The following RYR1 variants were observed in gnomAD, a reference collection of about 807,000 sequenced individuals.
RYR1 encodes the protein central core disease of muscle.
A neutral mutation model predicts 583.5 loss-of-function variants in RYR1; 342 were observed. The ratio of observed to expected loss-of-function variants is 0.59; its 90% CI spans 0.54 to 0.64. The LOEUF is 0.64. Among genes scored for constraint, RYR1 ranks in the 30% least tolerant of loss-of-function variants. RYR1 has a pLI of 0.00. For missense variants in RYR1, 6,032 were observed against 6,917.2 expected, an observed-to-expected ratio of 0.87 and a Z score of 4.54; for synonymous variants, 2,791 against 2,822.5, an observed-to-expected ratio of 0.99 and a Z score of 0.35.
intron 34 of RYR1, among the ~76,000 whole-genome samples, chr19:38,487,104 A>G (rs1969334162): frequency 6.6e-6 from 1 of 151,878 alleles, no homozygotes; most frequent in Non-Finnish European, 1.5e-5. Flanking sequence ...CCTCCCACCT[A>G]TGCGTCCATC....
chr19:38,520,072 T>TTTA (rs1445228934), intron 67 of RYR1, among the ~76,000 whole-genome samples: 1 of 117,446 alleles, frequency 8.5e-6, no homozygotes, highest in Non-Finnish European at 1.6e-5. Context: ...AATAGTTTGC[T>TTTA]TTTTTTTTTT....
At position 38,443,955 on chromosome 19, in the gene RYR1, C is replaced by T. The variant is rs139773017; in HGVS notation, c.424+159C>T. The stretch of plus-strand genomic sequence containing the variant: ...CTGCGGTACAGTCCAGACAGGGAGA[C>T]AGACACACGTTGGGGACCACTAGGC... On this transcript the variant is annotated intron_variant, in intron 5 of 105. Transcript: ENST00000359596. Among the ~76,000 whole-genome samples, 5 of 152,182 alleles carry T rather than the reference C, an allele frequency of 3.3e-5. No individual in the cohort carries two copies. The South Asian group carries it at 1.0e-3, about 32-fold the overall frequency.
At chr19:38,582,375 C>A (rs1370184967) in intron 101 of RYR1, among the ~76,000 whole-genome samples, 3 of 146,910 alleles carry the variant, frequency 2.0e-5, no homozygotes, top group Admixed American at 1.4e-4. Flanking sequence ...CCAGCCTAGG[C>A]AACGAGAGTG....
Position 38,565,734 on chromosome 19 carries a change from C to A in RYR1, c.13400C>A (p.Thr4467Lys). 1 of 1,428,054 alleles carries A rather than the reference C, an allele frequency of 7.0e-7. No homozygotes were observed. Among genetic ancestry groups the A allele is most frequent in the Non-Finnish European group, 9.1e-7 (1 of 1,099,154 alleles). The allele number at this position is 1,428,054 out of a possible 1,614,324, so 88.5% of individuals were successfully genotyped here. A position where few individuals can be genotyped will look rare whatever the true frequency, so the allele number is the denominator to read the frequency against. ...MGDTTPAEPP[T>K]PEGSPILKRK... ...GACACGACGCCTGCGGAACCGCCCA[C>A]ACCCGAGGGCTCTCCCATCCTCAAG... Residue 4467 changes from threonine to lysine, a missense_variant, in exon 91 of 106, where the codon ACA becomes AAA. Physicochemically the swap from Thr to Lys is moderately conservative, Grantham distance 78. Around this residue, in one of 11 missense-constraint regions of RYR1, gnomAD observed 753 missense variants for 759.6 expected, o/e 0.99. Coordinates refer to ENST00000359596, the MANE Select transcript of RYR1 (RefSeq NM_000540.3). The surrounding 1 kb of genome is among the most constrained non-coding windows in gnomAD (Gnocchi z 4.7).
chr19:38,444,233 TTGTCAG>T lies in RYR1; in HGVS notation c.514_519del (p.Val173_Ser174del), dbSNP rs794727779. ...GTCCGCGTTGGGGATGACATCATCC[TTGTCAG>T]TGTCTCCTCCGAGCGCTACCTGGTG... On this transcript the variant is annotated inframe_deletion, in exon 6 of 106. Transcript: ENST00000359596. This position sits in a 1 kb window ranked among gnomAD's most constrained non-coding sequence, Gnocchi z 5.1. The T allele has an allele frequency of 6.2e-7, 1 of 1,614,010 alleles. No homozygotes were observed. Among genetic ancestry groups the T allele is most frequent in the Admixed American group, 1.7e-5 (1 of 60,020 alleles).
chr19:38,526,372 A>G (rs898215383), intron 71 of RYR1, among the ~76,000 whole-genome samples: 3 of 147,590 alleles, frequency 2.0e-5, no homozygotes, highest in African/African-American at 7.5e-5. Context: ...CTGACAACCT[A>G]CTAACCCCCT....
chr19:38,502,222 A>G (rs1462686023), intron 47 of RYR1, among the ~76,000 whole-genome samples: 1 of 152,094 alleles, frequency 6.6e-6, no homozygotes. Flanking sequence ...CGTGCAGACC[A>G]TTGATATTTA....
chr19:38,453,036 AGCGGG>A (rs761666996), intron 13 of RYR1, 22 bp downstream of exon 13: 1 of 1,591,834 alleles, frequency 6.3e-7, no homozygotes, highest in Non-Finnish European at 8.6e-7. Flanking sequence ...GCGAGGGCGG[AGCGGG>A]GCCTGTGGGC....
In RYR1 at chr19:38,502,746, C is replaced by A; in HGVS notation, c.7835+19C>A. 2 of 1,018,020 alleles carry A rather than the reference C, an allele frequency of 2.0e-6. No individual in the cohort carries two copies. Among genetic ancestry groups the A allele is most frequent in the Non-Finnish European group, 2.7e-6 (2 of 746,688 alleles). 63.1% of individuals were successfully genotyped at this position (1,018,020 alleles called of 1,614,324 possible). A position where few individuals can be genotyped will look rare whatever the true frequency, so the allele number is the denominator to read the frequency against. ...TCTGCAGGTGGAGCGGGGCAGGCTT[C>A]AGGGTGGGGCAGGGGCAGGGGCAGG... On this transcript the variant is annotated intron_variant, in intron 48 of 105. Coordinates refer to ENST00000359596, the MANE Select transcript of RYR1 (RefSeq NM_000540.3).
In RYR1 at chr19:38,468,994, C is replaced by A; in HGVS notation, c.3410C>A (p.Pro1137Gln). 1 of 1,614,142 alleles carries A rather than the reference C, an allele frequency of 6.2e-7. No homozygotes were observed. The highest frequency in any genetic ancestry group is 2.2e-5 in the East Asian group (1 of 44,878). The part of the protein sequence containing the change: ...RGQRWHLGSE[P>Q]FGRPWQPGDV... Reference sequence around the variant, plus strand: ...CAGCGCTGGCACTTGGGCAGTGAACCATTTGGGCGCCCCTGGCAGCCGGGC... The same window carrying A: ...CAGCGCTGGCACTTGGGCAGTGAACAATTTGGGCGCCCCTGGCAGCCGGGC... Residue 1137 changes from proline to glutamine, a missense_variant, in exon 26 of 106, where the codon CCA (proline) becomes CAA (glutamine). Pro to Gln is a moderately conservative substitution (Grantham distance 76). This residue lies in a region of RYR1 where 2,627 missense variants were observed against 2,961.3 expected (regional missense o/e 0.89). Transcript: ENST00000359596.
At chr19:38,519,564 C>A in intron 67 of RYR1, 110 bp downstream of exon 67, 1 of 1,267,500 alleles carries the variant, frequency 7.9e-7, no homozygotes, top group Non-Finnish European at 1.1e-6. Flanking sequence ...AATGCTCTGG[C>A]CCCACCAACC....
Position 38,494,325 on chromosome 19 carries a change from C to T in RYR1, c.6275-27C>T, listed in dbSNP as rs371975491. ...GTGCCGACCTGCCCTGCATGGTGCT[C>T]CAAGCCTTGCATTGTCTCCTTCCCA... On this transcript the variant is annotated intron_variant, in intron 38 of 105. Transcript: ENST00000359596. 43 of 1,610,786 alleles carry T rather than the reference C, an allele frequency of 2.7e-5. No individual in the cohort carries two copies. The African/African-American group carries it at 4.8e-4, about 18-fold the overall frequency.
At chr19:38,557,011 T>C (rs1052421816) in intron 89 of RYR1, among the ~76,000 whole-genome samples, 2 of 151,864 alleles carry the variant, frequency 1.3e-5, no homozygotes, top group Non-Finnish European at 2.9e-5. Context: ...CTCAGACATA[T>C]TCATTCATTA....
At chr19:38,531,531 T>A (rs1394019493) in intron 76 of RYR1, among the ~76,000 whole-genome samples, 1 of 151,970 alleles carries the variant, frequency 6.6e-6, no homozygotes, top group Non-Finnish European at 1.5e-5. Context: ...TACTTGTTAT[T>A]GAGCTGACAG....
At chr19:38,502,826 G>T in intron 48 of RYR1, 54 bp from the exon 49 acceptor site, 2 of 1,549,414 alleles carry the variant, frequency 1.3e-6, no homozygotes, top group Admixed American at 1.8e-5. Context: ...CAGGGGCAGG[G>T]GCAGCAGAGC....
At chr19:38,572,418 A>T in intron 95 of RYR1, 148 bp downstream of exon 95, 2 of 994,910 alleles carry the variant, frequency 2.0e-6, no homozygotes, top group South Asian at 3.1e-5. Flanking sequence ...GGAACTGGGT[A>T]CAGGATTGGG....
chr19:38,506,572 G>T (rs1431752900), intron 56 of RYR1, 26 bp downstream of exon 56: 2 of 1,612,090 alleles, frequency 1.2e-6, no homozygotes, highest in Non-Finnish European at 8.5e-7. Context: ...CCGCCCCCAC[G>T]CTACCCCCGT....
At chr19:38,511,632 G>A (rs751485093) in intron 61 of RYR1, 22 bp downstream of exon 61, 32 of 1,613,374 alleles carry the variant, frequency 2.0e-5, no homozygotes, top group East Asian at 1.6e-4. Flanking sequence ...CACACCTTCG[G>A]TCTTCCTCCC....
At chr19:38,453,086 G>A (rs930086087) in intron 13 of RYR1, 72 bp downstream of exon 13, 16 of 1,520,706 alleles carry the variant, frequency 1.1e-5, no homozygotes, top group Middle Eastern at 1.9e-4. Flanking sequence ...CGGGGCCACG[G>A]CGCTGGGCGG....
Sources: allele counts gnomAD v4.1 joint callset (sites outside exome capture counted in the v4.1 genomes callset), GRCh38; gene constraint gnomAD v4.1.1; regional missense constraint gnomAD v4.1.1; non-coding constraint Gnocchi (gnomAD v3.1); transcripts MANE v1.5; gene names NCBI Gene and HGNC (gene_info 2026-07-23, HGNC 2026-07-21).